The following BBOX1 variants were observed in gnomAD, a reference collection of about 807,000 sequenced individuals.
BBOX1 encodes the protein gamma-butyrobetaine hydroxylase 1.
Under a neutral mutation model 41.6 loss-of-function variants are expected in BBOX1, and 35 were observed. The observed-to-expected ratio is 0.84, with a 90% CI of 0.64 to 1.11. The LOEUF is 1.11. Among genes scored for constraint, BBOX1 ranks in the 50% most tolerant of loss-of-function variants. The pLI is 0.00. For missense variants in BBOX1, 458 were observed against 460.6 expected (o/e 0.99, Z 0.05); for synonymous variants, 163 against 154.7 (o/e 1.05, Z -0.40).
chr11:27,119,161 C>G (rs961723538), intron 6 of BBOX1, among the ~76,000 whole-genome samples: 10 of 151,966 alleles, frequency 6.6e-5, no homozygotes, highest in African/African-American at 1.9e-4. Context: ...TTTTTATTAC[C>G]CAGTGAACTG....
rs187444791 is a variant in BBOX1, at chr11:27,061,477, T to C, written c.334+4162T>C. Among the ~76,000 whole-genome samples the C allele has an allele frequency of 2.0e-5, 3 of 152,348 alleles. No individual in the cohort carries two copies. In the East Asian group the frequency reaches 5.8e-4, roughly 29 times the overall value. ...AAATTAATGAGCCATTTTTGGAATA[T>C]TGGTTCTATGGCTTTTTGCCTGTAG... On this transcript the variant is annotated intron_variant, in intron 4 of 8. Transcript: ENST00000263182.
intron 4 of BBOX1, among the ~76,000 whole-genome samples, chr11:27,068,068 C>CT (rs934219420): frequency 2.1e-5 from 3 of 142,530 alleles, no homozygotes; most frequent in Non-Finnish European, 4.6e-5. Flanking sequence ...TTTTACATGA[C>CT]TTTTTTCCTT....
rs1485399727 is a variant in BBOX1 at position 27,073,355 on chromosome 11, C to T, written c.334+16040C>T. Among the ~76,000 whole-genome samples the T allele has an allele frequency of 2.0e-5, 3 of 152,126 alleles. 1 individual carries two copies. The East Asian group carries it at 5.8e-4, about 29-fold the overall frequency. ...ATCAGAGAAATGCAAATCAAAACCA[C>T]AATGAGATACCATCTCACACCAGTT... On this transcript the variant is annotated intron_variant, in intron 4 of 8. Transcript: ENST00000263182.
At chr11:27,075,693 G>C (rs1857608478) in intron 4 of BBOX1, among the ~76,000 whole-genome samples, 1 of 152,174 alleles carries the variant, frequency 6.6e-6, no homozygotes, top group South Asian at 2.1e-4. Context: ...TTGAATATTT[G>C]ATATTCCAAG....
intron 4 of BBOX1, among the ~76,000 whole-genome samples, chr11:27,080,264 C>T (rs924813279): frequency 6.6e-6 from 1 of 151,860 alleles, no homozygotes; most frequent in African/African-American, 2.4e-5. Context: ...CTATTAAATG[C>T]CTTCTATTTT....
At chr11:27,121,044 A>C (rs754518592) in intron 7 of BBOX1, among the ~76,000 whole-genome samples, 1 of 152,194 alleles carries the variant, frequency 6.6e-6, no homozygotes, top group Non-Finnish European at 1.5e-5. Flanking sequence ...TAGCAAGATA[A>C]GGGGAATCTG....
At chr11:27,126,745 G>C (rs1859671008) in intron 8 of BBOX1, among the ~76,000 whole-genome samples, 1 of 147,796 alleles carries the variant, frequency 6.8e-6, no homozygotes, top group Admixed American at 6.8e-5. Context: ...GCGTGATCTC[G>C]GCTCACTGCA....
chr11:27,044,224 TG>T (rs1159382656), intron 2 of BBOX1, among the ~76,000 whole-genome samples: 2 of 152,232 alleles, frequency 1.3e-5, no homozygotes, highest in African/African-American at 2.4e-5. Flanking sequence ...ATATGTTTGT[TG>T]GCTGCATAAA....
chr11:27,123,676 G>A (rs928373036), intron 7 of BBOX1, among the ~76,000 whole-genome samples: 11 of 152,134 alleles, frequency 7.2e-5, no homozygotes, highest in African/African-American at 2.7e-4. Context: ...GAACTCTAAG[G>A]GGGTAATTGA....
intron 4 of BBOX1, among the ~76,000 whole-genome samples, chr11:27,079,097 T>G (rs933331072): frequency 9.9e-5 from 15 of 152,186 alleles, no homozygotes; most frequent in African/African-American, 3.6e-4. Flanking sequence ...TAATATCTTA[T>G]GTTTGAGCTC....
At chr11:27,058,989 G>A (rs940852841) in intron 4 of BBOX1, among the ~76,000 whole-genome samples, 1 of 152,212 alleles carries the variant, frequency 6.6e-6, no homozygotes, top group Admixed American at 6.5e-5. Flanking sequence ...ATAAGAAGAA[G>A]CCAGTGCTAA....
intron 7 of BBOX1, among the ~76,000 whole-genome samples, chr11:27,124,454 C>T (rs1244609661): frequency 6.6e-6 from 1 of 152,154 alleles, no homozygotes; most frequent in Non-Finnish European, 1.5e-5. Context: ...GGGTGATGTT[C>T]ATGTCTTGCT....
intron 5 of BBOX1, among the ~76,000 whole-genome samples, chr11:27,109,019 C>T (rs539734857): frequency 3.6e-4 from 55 of 152,110 alleles, no homozygotes; most frequent in Admixed American, 9.2e-4. Flanking sequence ...GCACTGGTTT[C>T]GTTGATGGTA....
intron 4 of BBOX1, among the ~76,000 whole-genome samples, chr11:27,062,621 C>T (rs1169914582): frequency 6.6e-6 from 1 of 151,552 alleles, no homozygotes; most frequent in African/African-American, 2.4e-5. Context: ...TGCAGTGGAG[C>T]GATCTCGGCT....
chr11:27,045,398 T>C (rs1161324394), intron 2 of BBOX1, among the ~76,000 whole-genome samples: 1 of 152,180 alleles, frequency 6.6e-6, no homozygotes, highest in Non-Finnish European at 1.5e-5. Flanking sequence ...GACTTCTTCT[T>C]TTCCTAATTG....
chr11:27,113,544 A>G (rs888291462), intron 5 of BBOX1, among the ~76,000 whole-genome samples: 4 of 151,876 alleles, frequency 2.6e-5, no homozygotes, highest in Admixed American at 6.6e-5. Context: ...TAAGCAAACT[A>G]ACACAGGAAC....
At chr11:27,045,604 T>G (rs1325032974) in intron 2 of BBOX1, among the ~76,000 whole-genome samples, 2 of 152,120 alleles carry the variant, frequency 1.3e-5, no homozygotes, top group Admixed American at 1.3e-4. Flanking sequence ...TATATATTCC[T>G]TCAATACCTA....
chr11:27,072,362 A>G (rs1857482057), intron 4 of BBOX1, among the ~76,000 whole-genome samples: 1 of 152,186 alleles, frequency 6.6e-6, no homozygotes, highest in South Asian at 2.1e-4. Flanking sequence ...TCCAACTTAC[A>G]GGGGACGTGA....
At chr11:27,060,631 G>T (rs1467744696) in intron 4 of BBOX1, among the ~76,000 whole-genome samples, 1 of 152,112 alleles carries the variant, frequency 6.6e-6, no homozygotes, top group South Asian at 2.1e-4. Context: ...TGAGACTTAT[G>T]ACACTTTACT....
Sources: gnomAD v4.1 joint callset for allele counts (sites outside exome capture counted in the v4.1 genomes callset) on GRCh38, gnomAD v4.1.1 for gene constraint, MANE v1.5 for transcripts, NCBI Gene and HGNC (gene_info 2026-07-23, HGNC 2026-07-21) for gene names.